ARNT2: variants seen among roughly 807,000 people sequenced by gnomAD.
ARNT2 encodes the protein ARNT protein 2.
ARNT2 carries 36 observed loss-of-function variants against 91.7 expected under a neutral mutation model. That is an observed-to-expected ratio of 0.39 (90% CI 0.30 to 0.52). The LOEUF is 0.52. Ranked by LOEUF, ARNT2 falls within the 20% of genes least tolerant of loss-of-function variation. The pLI is 0.72. For synonymous variants in ARNT2, 365 were observed against 347.1 expected (o/e 1.05, Z -0.57); for missense variants, 775 against 939.3 (o/e 0.83, Z 2.29).
intron 8 of ARNT2, among the ~76,000 whole-genome samples, chr15:80,547,472 A>G (rs1898008216): frequency 6.6e-6 from 1 of 152,186 alleles, no homozygotes; most frequent in African/African-American, 2.4e-5. Context: ...AAGCACAGGG[A>G]TTGTGTCAGG....
At chr15:80,538,501 G>A (rs1307420058) in intron 8 of ARNT2, among the ~76,000 whole-genome samples, 3 of 152,054 alleles carry the variant, frequency 2.0e-5, no homozygotes, top group Admixed American at 2.0e-4. Context: ...ACTAGCTTCT[G>A]GTGAAGGATG....
intron 4 of ARNT2, 101 bp from the exon 5 acceptor site, chr15:80,474,909 A>G: frequency 8.6e-7 from 1 of 1,159,944 alleles, no homozygotes; most frequent in Non-Finnish European, 1.2e-6. Context: ...ACCAGAATAA[A>G]TATGCAGATA....
At chr15:80,581,185 G>A (rs1161290909) in intron 16 of ARNT2, 54 bp from the exon 17 acceptor site, 3 of 1,602,640 alleles carry the variant, frequency 1.9e-6, no homozygotes, top group Non-Finnish European at 2.6e-6. Context: ...ATCGGTTGGG[G>A]TGCAGGGGTC....
chr15:80,423,308 T>C (rs1895886253), intron 1 of ARNT2, among the ~76,000 whole-genome samples: 1 of 151,930 alleles, frequency 6.6e-6, no homozygotes, highest in African/African-American at 2.4e-5. Context: ...CCACAAAGAG[T>C]TGAGGACTGA....
At chr15:80,454,797 G>A (rs376397924) in intron 2 of ARNT2, among the ~76,000 whole-genome samples, 6 of 152,170 alleles carry the variant, frequency 3.9e-5, no homozygotes, top group South Asian at 2.1e-4. Flanking sequence ...TACAGTCACC[G>A]TCAGGGAGCT....
At chr15:80,478,173 G>C (rs560746743) in intron 5 of ARNT2, among the ~76,000 whole-genome samples, 90 of 152,344 alleles carry the variant, frequency 5.9e-4, no homozygotes, top group Non-Finnish European at 1.0e-3. Context: ...ATGTTGGTTT[G>C]ACAGCTGAAA....
chr15:80,559,004 G>A (rs1898261194), intron 11 of ARNT2, among the ~76,000 whole-genome samples: 1 of 152,130 alleles, frequency 6.6e-6, no homozygotes, highest in Non-Finnish European at 1.5e-5. Context: ...CACAGTAAGT[G>A]TTGTCTTCCC....
At chr15:80,485,070 CATTT>C (rs1595982528) in intron 5 of ARNT2, among the ~76,000 whole-genome samples, 1 of 152,316 alleles carries the variant, frequency 6.6e-6, no homozygotes, top group East Asian at 1.9e-4. Flanking sequence ...AGAGTTCATT[CATTT>C]GTTTTAATAA....
At chr15:80,497,257 T>C (rs1353601006) in intron 5 of ARNT2, among the ~76,000 whole-genome samples, 2 of 152,198 alleles carry the variant, frequency 1.3e-5, no homozygotes, top group African/African-American at 2.4e-5. Context: ...AAGTAAGCCA[T>C]TTAAAAGGAG....
At chr15:80,520,066 T>A (rs1352946012) in intron 8 of ARNT2, among the ~76,000 whole-genome samples, 3 of 151,348 alleles carry the variant, frequency 2.0e-5, no homozygotes, top group Non-Finnish European at 4.4e-5. Context: ...CAGGTTTGCA[T>A]GACCCAGTTC....
intron 8 of ARNT2, among the ~76,000 whole-genome samples, chr15:80,532,321 A>G (rs1897753521): frequency 1.3e-5 from 2 of 152,064 alleles, no homozygotes; most frequent in African/African-American, 4.8e-5. Flanking sequence ...GTCTTCTACC[A>G]TTGCTTCCAT....
intron 1 of ARNT2, among the ~76,000 whole-genome samples, chr15:80,439,121 A>G (rs1896144859): frequency 6.6e-6 from 1 of 152,204 alleles, no homozygotes. Flanking sequence ...ATTTATATTT[A>G]TACACCATCT....
intron 11 of ARNT2, chr15:80,556,818 A>G (rs769091494): frequency 6.6e-6 from 1 of 152,164 alleles, no homozygotes; most frequent in Admixed American, 6.5e-5. Context: ...CAGGTGATGA[A>G]TGAGAGAACC....
chr15:80,508,115 G>C (rs755826080), intron 5 of ARNT2, 41 bp from the exon 6 acceptor site: 1 of 1,603,592 alleles, frequency 6.2e-7, no homozygotes, highest in Non-Finnish European at 8.5e-7. Flanking sequence ...TCTCCCAACC[G>C]AAGGCAGAGG....
At chr15:80,419,394 A>G (rs1388363021) in intron 1 of ARNT2, among the ~76,000 whole-genome samples, 1 of 152,226 alleles carries the variant, frequency 6.6e-6, no homozygotes, top group African/African-American at 2.4e-5. Context: ...TTCACAGGTG[A>G]GGAAATAAAG....
intron 6 of ARNT2, among the ~76,000 whole-genome samples, chr15:80,510,529 C>T (rs565402026): frequency 6.6e-5 from 10 of 152,150 alleles, no homozygotes; most frequent in African/African-American, 2.4e-4. Context: ...CAGAATGGCT[C>T]TTATTAAAAA....
chr15:80,569,939 A>T (rs1267109462), intron 12 of ARNT2, among the ~76,000 whole-genome samples: 5 of 152,362 alleles, frequency 3.3e-5, no homozygotes, highest in Middle Eastern at 3.4e-3. Flanking sequence ...AGAATGGTTC[A>T]TGGATTGCTG....
chr15:80,483,088 G>C (rs1896913615), intron 5 of ARNT2, among the ~76,000 whole-genome samples: 1 of 152,152 alleles, frequency 6.6e-6, no homozygotes, highest in South Asian at 2.1e-4. Context: ...TTACTTGGAA[G>C]GTAAACCCTG....
intron 1 of ARNT2, among the ~76,000 whole-genome samples, chr15:80,435,215 AC>A (rs1243114665): frequency 2.6e-5 from 4 of 152,072 alleles, no homozygotes; most frequent in African/African-American, 9.7e-5. Flanking sequence ...CAGCCAGGAC[AC>A]CCCATTGCCT....
Sources: gnomAD v4.1 joint callset for allele counts (sites outside exome capture counted in the v4.1 genomes callset) on GRCh38, gnomAD v4.1.1 for gene constraint, MANE v1.5 for transcripts, NCBI Gene and HGNC (gene_info 2026-07-23, HGNC 2026-07-21) for gene names.